ROS1: variants seen among roughly 807,000 people sequenced by gnomAD.
ROS1 encodes the protein ROS proto-oncogene 1, receptor tyrosine kinase.
A neutral mutation model predicts 273.5 loss-of-function variants in ROS1; 263 were observed. The observed-to-expected ratio is 0.96, with a 90% CI of 0.87 to 1.06. The LOEUF (loss-of-function observed/expected upper bound fraction) is 1.06, where lower values mean the gene tolerates loss of function less well. ROS1 is among the 50% of genes least tolerant of loss of function. The pLI is 0.00. For synonymous variants in ROS1, 1,008 were observed against 954.1 expected, an observed-to-expected ratio of 1.06 and a Z score of -1.04; for missense variants, 2,833 against 2,751.1, an observed-to-expected ratio of 1.03 and a Z score of -0.67.
At chr6:117,416,616 G>T (rs1313541409) in intron 2 of ROS1, among the ~76,000 whole-genome samples, 2 of 152,140 alleles carry the variant, frequency 1.3e-5, no homozygotes, top group African/African-American at 4.8e-5. Context: ...CGAAGACACC[G>T]TACACTGGGT....
chr6:117,383,532 A>G, intron 16 of ROS1, 24 bp from the exon 17 acceptor site: 1 of 1,540,708 alleles, frequency 6.5e-7, no homozygotes, highest in Non-Finnish European at 9.0e-7. Context: ...TTGTATGGCC[A>G]GTTAATGGCT....
At chr6:117,312,258 A>G (rs1028828224) in intron 39 of ROS1, among the ~76,000 whole-genome samples, 1 of 152,032 alleles carries the variant, frequency 6.6e-6, no homozygotes. Flanking sequence ...GAGTATCTCA[A>G]ATGATTCCAA....
rs1342560016 is a variant in ROS1, at chr6:117,339,459, C to A, written c.5061+1676G>T. ...ATTACTAATTAAAGAGACAAATATT[C>A]TCTTTTATTGCCCACTCCTCAGAGT... On this transcript the variant is annotated intron_variant, in intron 31 of 43. Transcript: ENST00000368507. Among the ~76,000 whole-genome samples the A allele has an allele frequency of 3.9e-5, 6 of 152,128 alleles. No individual in the cohort carries two copies. The East Asian group carries it at 1.2e-3, about 29-fold the overall frequency.
intron 27 of ROS1, among the ~76,000 whole-genome samples, chr6:117,347,779 C>T (rs1036056904): frequency 6.6e-6 from 1 of 151,950 alleles, no homozygotes; most frequent in Non-Finnish European, 1.5e-5. Context: ...ATCCTGAATC[C>T]GTGTTGAATT....
Position 117,299,203 on chromosome 6 carries a change from A to G in ROS1, c.6715+1771T>C, listed in dbSNP as rs116167649. On this transcript the variant is annotated intron_variant, in intron 43 of 43. Transcript: ENST00000368507. ...AGCCCTTTCCAATCTGTCGCTTGGC[A>G]GTTTGTGTTGAAGAAGTTACATGAT... Among the ~76,000 whole-genome samples, 482 of 152,340 alleles carry G rather than the reference A, an allele frequency of 3.2e-3. 2 individuals are homozygous for G. The highest frequency in any genetic ancestry group is 0.011 in the African/African-American group (451 of 41,576).
intron 43 of ROS1, among the ~76,000 whole-genome samples, chr6:117,290,081 T>A (rs1017255710): frequency 1.3e-5 from 2 of 152,214 alleles, no homozygotes; most frequent in Admixed American, 1.3e-4. Context: ...AACTTAAATC[T>A]ACAATATAGT....
At chr6:117,424,275 A>G (rs936826829) in intron 1 of ROS1, among the ~76,000 whole-genome samples, 1 of 151,964 alleles carries the variant, frequency 6.6e-6, no homozygotes, top group Non-Finnish European at 1.5e-5. Flanking sequence ...GTAATGAAAA[A>G]GCTGGTTGCA....
rs1460847039 is a variant in ROS1, at chr6:117,288,335, C to CA, written c.*156dup. 3.2e-5 allele frequency: 22 copies of CA among 689,734 alleles called. No homozygotes were observed. In the African/African-American group the frequency reaches 4.0e-4, roughly 12 times the overall value. The allele number at this position is 689,734 out of a possible 1,614,324, so 42.7% of individuals were successfully genotyped here. On this transcript the variant is annotated 3_prime_UTR_variant, in exon 44 of 44. Coordinates refer to ENST00000368507, the MANE Select transcript of ROS1 (RefSeq NM_001378902.1). ...GTATGGGGATTGCTACAACTGAAAC[C>CA]AAATGGCTCTCAGAACCAAGATTAG...
Position 117,339,450 on chromosome 6 carries a change from A to G in ROS1, c.5061+1685T>C, listed in dbSNP as rs150837914. 4.4e-3 allele frequency among the ~76,000 whole-genome samples: 670 copies of G among 152,238 alleles called. 3 individuals carry two copies. The highest frequency in any genetic ancestry group is 7.1e-3 in the Admixed American group (109 of 15,278). On this transcript the variant is annotated intron_variant, in intron 31 of 43. Coordinates refer to ENST00000368507, the MANE Select transcript of ROS1 (RefSeq NM_001378902.1). ...TTCTAAAACATTACTAATTAAAGAGACAAATATTCTCTTTTATTGCCCACT... is the reference window on the plus strand; with the variant it reads ...TTCTAAAACATTACTAATTAAAGAGGCAAATATTCTCTTTTATTGCCCACT...
chr6:117,386,519 C>A (rs1012665624), intron 15 of ROS1, among the ~76,000 whole-genome samples: 4 of 152,216 alleles, frequency 2.6e-5, no homozygotes, highest in African/African-American at 9.6e-5. Flanking sequence ...GAACTCTATG[C>A]AGCAGTTTCT....
At chr6:117,370,460 A>G (rs1780680634) in intron 18 of ROS1, among the ~76,000 whole-genome samples, 1 of 152,240 alleles carries the variant, frequency 6.6e-6, no homozygotes, top group African/African-American at 2.4e-5. Flanking sequence ...ATGAAATAAA[A>G]TGATCTCTAA....
At chr6:117,358,110 A>G in intron 24 of ROS1, 101 bp from the exon 25 acceptor site, 1 of 730,820 alleles carries the variant, frequency 1.4e-6, no homozygotes, top group Non-Finnish European at 2.3e-6. Context: ...TGCACTTCTC[A>G]TTTGTAATCC....
intron 12 of ROS1, 108 bp from the exon 13 acceptor site, chr6:117,389,954 G>T: frequency 1.0e-6 from 1 of 979,560 alleles, no homozygotes; most frequent in Non-Finnish European, 1.5e-6. Context: ...ATGTATCTCT[G>T]ATGTTGCTAA....
At chr6:117,357,679 T>C in intron 25 of ROS1, 125 bp downstream of exon 25, 1 of 633,962 alleles carries the variant, frequency 1.6e-6, no homozygotes. Flanking sequence ...TATAATATAG[T>C]GGGCCAAGAG....
chr6:117,382,274 G>A (rs184056350), intron 17 of ROS1, among the ~76,000 whole-genome samples: 1 of 152,128 alleles, frequency 6.6e-6, no homozygotes, highest in African/African-American at 2.4e-5. Context: ...TTAAATGTCT[G>A]TGTTATAATC....
chr6:117,364,190 A>G (rs996663026), intron 21 of ROS1, among the ~76,000 whole-genome samples: 3 of 152,168 alleles, frequency 2.0e-5, no homozygotes, highest in African/African-American at 7.2e-5. Flanking sequence ...AGGCCCCACT[A>G]TGTTCCTGTT....
At chr6:117,322,740 T>C (rs1400501726) in intron 35 of ROS1, among the ~76,000 whole-genome samples, 1 of 152,212 alleles carries the variant, frequency 6.6e-6, no homozygotes. Flanking sequence ...CTCAATCTTT[T>C]CTCATGCACA....
chr6:117,376,097 G>T (rs1475104778), intron 18 of ROS1, among the ~76,000 whole-genome samples: 1 of 151,860 alleles, frequency 6.6e-6, no homozygotes, highest in Non-Finnish European at 1.5e-5. Flanking sequence ...AATCAATAAT[G>T]CCAGAAACAG....
At chr6:117,337,405 T>C in intron 31 of ROS1, 65 bp from the exon 32 acceptor site, 1 of 1,265,572 alleles carries the variant, frequency 7.9e-7, no homozygotes, top group South Asian at 1.4e-5. Flanking sequence ...AACACAAAAA[T>C]GTATAGGCTT....
Sources: allele counts gnomAD v4.1 joint callset (sites outside exome capture counted in the v4.1 genomes callset), GRCh38; gene constraint gnomAD v4.1.1; transcripts MANE v1.5; gene names NCBI Gene and HGNC (gene_info 2026-07-23, HGNC 2026-07-21).